CSRP3: variants seen among roughly 807,000 people sequenced by gnomAD.
CSRP3 encodes cysteine and glycine-rich protein 3.
Under a neutral mutation model 24.3 loss-of-function variants are expected in CSRP3, and 24 were observed. The ratio of observed to expected loss-of-function variants is 0.99; its 90% CI spans 0.71 to 1.39. CSRP3 has a LOEUF of 1.39. Among genes scored for constraint, CSRP3 ranks in the 40% most tolerant of loss-of-function variants. CSRP3 has a pLI of 0.00. For missense variants in CSRP3, 240 were observed against 249.0 expected (o/e 0.96, Z 0.24); for synonymous variants, 105 against 94.0 (o/e 1.12, Z -0.68).
chr11:19,183,607 C>CA (rs1314350352), intron 5 of CSRP3, among the ~76,000 whole-genome samples: 1 of 152,036 alleles, frequency 6.6e-6, no homozygotes, highest in Non-Finnish European at 1.5e-5. Context: ...CTTTGCAATG[C>CA]AATTATTCAT....
chr11:19,189,041 C>T (rs1850576589), intron 2 of CSRP3, among the ~76,000 whole-genome samples: 1 of 152,102 alleles, frequency 6.6e-6, no homozygotes, highest in Non-Finnish European at 1.5e-5. Flanking sequence ...TGTCAAATAT[C>T]TACTTATAAT....
At chr11:19,183,015 G>A (rs950022899) in intron 5 of CSRP3, among the ~76,000 whole-genome samples, 1 of 152,004 alleles carries the variant, frequency 6.6e-6, no homozygotes, top group African/African-American at 2.4e-5. Context: ...GAAATTAGCT[G>A]GGCATGGTGG....
At chr11:19,199,087 C>T (rs1278124616) in intron 1 of CSRP3, among the ~76,000 whole-genome samples, 2 of 152,174 alleles carry the variant, frequency 1.3e-5, no homozygotes, top group Non-Finnish European at 2.9e-5. Context: ...GTTTTTCAGC[C>T]TTTGGAGTGT....
At chr11:19,185,645 C>T (rs532178238) in intron 4 of CSRP3, among the ~76,000 whole-genome samples, 1 of 152,336 alleles carries the variant, frequency 6.6e-6, no homozygotes, top group East Asian at 1.9e-4. Context: ...ACGGCCCTTC[C>T]TCCCACCATG....
At chr11:19,184,369 A>G (rs1048973852) in intron 5 of CSRP3, among the ~76,000 whole-genome samples, 1 of 152,182 alleles carries the variant, frequency 6.6e-6, no homozygotes, top group Non-Finnish European at 1.5e-5. Flanking sequence ...CACAAGACCA[A>G]GGGATTATGG....
chr11:19,191,308 A>T lies in CSRP3; in HGVS notation c.112+1029T>A, dbSNP rs567645492. Among the ~76,000 whole-genome samples, 9 of 152,258 alleles carry T rather than the reference A, an allele frequency of 5.9e-5. No individual in the cohort carries two copies. The East Asian group carries it at 1.7e-3, about 29-fold the overall frequency. ...TCTCTTTGGACAAAAGCCCCAACAG[A>T]TGGAGTCCAGCCCTTGGAGTTCTTT... On this transcript the variant is annotated intron_variant, in intron 2 of 5. Coordinates refer to ENST00000265968, the MANE Select transcript of CSRP3 (RefSeq NM_003476.5).
chr11:19,188,921 A>G (rs946672147), intron 2 of CSRP3, among the ~76,000 whole-genome samples: 1 of 152,090 alleles, frequency 6.6e-6, no homozygotes, highest in Non-Finnish European at 1.5e-5. Context: ...ACCTAATGTA[A>G]AGTATCCTCC....
intron 1 of CSRP3, among the ~76,000 whole-genome samples, chr11:19,195,151 A>G (rs1210711578): frequency 4.0e-5 from 6 of 151,896 alleles, no homozygotes; most frequent in Non-Finnish European, 8.8e-5. Flanking sequence ...CACCAGATAC[A>G]GAAAAGTGGG....
At chr11:19,188,393 C>A in intron 2 of CSRP3, 89 bp from the exon 3 acceptor site, 1 of 1,465,258 alleles carries the variant, frequency 6.8e-7, no homozygotes, top group South Asian at 1.1e-5. Context: ...GGCCAGAGAC[C>A]CAGCATGAGG....
intron 5 of CSRP3, among the ~76,000 whole-genome samples, chr11:19,184,558 C>T (rs187879230): frequency 6.6e-6 from 1 of 152,318 alleles, no homozygotes. Flanking sequence ...CCAGTCACCC[C>T]CTCTGCCACT....
chr11:19,195,036 A>G (rs1850675593), intron 1 of CSRP3, among the ~76,000 whole-genome samples: 1 of 152,060 alleles, frequency 6.6e-6, no homozygotes, highest in Admixed American at 6.6e-5. Flanking sequence ...AACTCAAATG[A>G]CGGACTGGCT....
intron 1 of CSRP3, among the ~76,000 whole-genome samples, chr11:19,197,156 A>T (rs1297823511): frequency 6.6e-6 from 1 of 152,110 alleles, no homozygotes; most frequent in Non-Finnish European, 1.5e-5. Context: ...TGATTTCACT[A>T]TTGCTGAGAG....
At chr11:19,194,892 A>G (rs1437053183) in intron 1 of CSRP3, among the ~76,000 whole-genome samples, 1 of 152,142 alleles carries the variant, frequency 6.6e-6, no homozygotes, top group Non-Finnish European at 1.5e-5. Context: ...GTACTCAGTG[A>G]CAAAAGGGGG....
chr11:19,194,146 A>G (rs1850659404), intron 1 of CSRP3, among the ~76,000 whole-genome samples: 1 of 152,152 alleles, frequency 6.6e-6, no homozygotes, highest in Non-Finnish European at 1.5e-5. Flanking sequence ...ACTGGTCCGG[A>G]TTGTATCTCA....
At chr11:19,186,126 C>T in intron 4 of CSRP3, 90 bp downstream of exon 4, 2 of 1,538,860 alleles carry the variant, frequency 1.3e-6, no homozygotes, top group South Asian at 1.1e-5. Context: ...AGAATGACAG[C>T]TGCTTGCAGC....
chr11:19,183,434 A>G (rs1565049672), intron 5 of CSRP3, among the ~76,000 whole-genome samples: 1 of 151,976 alleles, frequency 6.6e-6, no homozygotes, highest in Non-Finnish European at 1.5e-5. Context: ...GTAATCAATG[A>G]TCCCTCTTCC....
intron 2 of CSRP3, among the ~76,000 whole-genome samples, chr11:19,189,902 G>C (rs78996766): frequency 0.033 from 4,981 of 152,232 alleles, 162 homozygotes; most frequent in African/African-American, 0.08. Flanking sequence ...TTGAGACATA[G>C]AAGGTGTGTA....
chr11:19,197,541 T>TTCTTTCTC (rs1850755882), intron 1 of CSRP3, among the ~76,000 whole-genome samples: 1 of 138,476 alleles, frequency 7.2e-6, no homozygotes, highest in Non-Finnish European at 1.5e-5. Context: ...CTTTCTTTCT[T>TTCTTTCTC]TCTTTCTTTC....
chr11:19,182,589 T>A lies in CSRP3; in HGVS notation c.*81A>T. The A allele has an allele frequency of 8.8e-7, 1 of 1,133,828 alleles. No homozygotes were observed. Among genetic ancestry groups the A allele is most frequent in the Non-Finnish European group, 1.3e-6 (1 of 741,554 alleles). 70.2% of individuals were successfully genotyped at this position (1,133,828 alleles called of 1,614,324 possible). On this transcript the variant is annotated 3_prime_UTR_variant, in exon 6 of 6. Transcript: ENST00000265968. ...TGTACGACTACAAAGGAGAGGCTATTTGGGGAAAGGTATCGATCTGTGCAG... is the reference window on the plus strand; with the variant it reads ...TGTACGACTACAAAGGAGAGGCTATATGGGGAAAGGTATCGATCTGTGCAG...
Sources: gnomAD v4.1 joint callset for allele counts (sites outside exome capture counted in the v4.1 genomes callset) on GRCh38, gnomAD v4.1.1 for gene constraint, MANE v1.5 for transcripts, NCBI Gene and HGNC (gene_info 2026-07-23, HGNC 2026-07-21) for gene names.